The following SASH1 variants were observed in gnomAD, a reference collection of about 807,000 sequenced individuals.
The protein encoded by SASH1 is SAM and SH3 domain containing 1.
A neutral mutation model predicts 125.2 loss-of-function variants in SASH1; 44 were observed. The ratio of observed to expected loss-of-function variants is 0.35; its 90% CI spans 0.28 to 0.45. SASH1 has a LOEUF of 0.45. SASH1 is among the 20% of genes least tolerant of loss of function. The pLI is 1.00. For synonymous variants in SASH1, 639 were observed against 649.1 expected (o/e 0.98, Z 0.24); for missense variants, 1,426 against 1,614.5 (o/e 0.88, Z 2.00).
At chr6:148,363,761 T>G (rs1782342909) in intron 1 of SASH1, among the ~76,000 whole-genome samples, 1 of 151,978 alleles carries the variant, frequency 6.6e-6, no homozygotes, top group African/African-American at 2.4e-5. Flanking sequence ...CTCCCTGGTC[T>G]TTGAGGCTGT....
At chr6:148,356,494 C>CTTTTTGTTTTTTTTTTTT (rs1781942116) in intron 1 of SASH1, among the ~76,000 whole-genome samples, 1 of 116,284 alleles carries the variant, frequency 8.6e-6, no homozygotes, top group African/African-American at 3.3e-5. Flanking sequence ...ACTTTTAGTT[C>CTTTTTGTTTTTTTTTTTT]TTTTTTTTTT....
intron 1 of SASH1, among the ~76,000 whole-genome samples, chr6:148,294,261 A>G (rs1297270430): frequency 1.3e-5 from 2 of 152,252 alleles, no homozygotes; most frequent in Admixed American, 1.3e-4. Flanking sequence ...ATGAGGCTAC[A>G]CAGCCAAGAA....
chr6:148,508,190 A>C (rs753010200), intron 8 of SASH1, among the ~76,000 whole-genome samples: 38 of 152,176 alleles, frequency 2.5e-4, no homozygotes, highest in South Asian at 4.1e-4. Flanking sequence ...AAATTTTAAA[A>C]AGGAATGGGG....
In SASH1 at chr6:148,537,776, C is replaced by CTGTGTGTGTGTGTGTG. The variant is rs55644027; in HGVS notation, c.2096-2626_2096-2611dup. Reference sequence around the variant, plus strand: ...ATATTCATAGGTGTCTTAGCATATTCTGTGTGTGTGTGTGTGTGTGTGTGT... The same window carrying CTGTGTGTGTGTGTGTG: ...ATATTCATAGGTGTCTTAGCATATTCTGTGTGTGTGTGTGTGTGTGTGTGTGTGTGTGTGTGTGTGT... On this transcript the variant is annotated intron_variant, in intron 16 of 19. Coordinates refer to ENST00000367467, the MANE Select transcript of SASH1 (RefSeq NM_015278.5). Among the ~76,000 whole-genome samples, 154 of 125,680 alleles carry CTGTGTGTGTGTGTGTG rather than the reference C, an allele frequency of 1.2e-3. 3 individuals are homozygous for CTGTGTGTGTGTGTGTG. Among genetic ancestry groups the CTGTGTGTGTGTGTGTG allele is most frequent in the East Asian group, 2.6e-3 (10 of 3,868 alleles). The allele number at this position is 125,680 out of a possible 152,430, so 82.5% of individuals were successfully genotyped here. A position where few individuals can be genotyped will look rare whatever the true frequency, so the allele number is the denominator to read the frequency against.
At chr6:148,270,608 GAT>G (rs1779039738), upstream of SASH1, among the ~76,000 whole-genome samples, 1 of 151,934 alleles carries the variant, frequency 6.6e-6, no homozygotes, top group South Asian at 2.1e-4. Context: ...CAGAATTGTA[GAT>G]ATATACTCCA....
intron 2 of SASH1, among the ~76,000 whole-genome samples, chr6:148,393,229 T>A (rs2114840102): frequency 6.6e-6 from 1 of 150,752 alleles, no homozygotes; most frequent in East Asian, 1.9e-4. Context: ...TATTTTTTTT[T>A]TTTTTTTTTT....
intron 17 of SASH1, among the ~76,000 whole-genome samples, chr6:148,540,852 C>T (rs1782175047): frequency 6.6e-6 from 1 of 152,044 alleles, no homozygotes; most frequent in Non-Finnish European, 1.5e-5. Flanking sequence ...CTATTAGGTC[C>T]ATAAGGAAAA....
chr6:148,250,622 G>GA, the SASH1 span, among the ~76,000 whole-genome samples: 1 of 149,494 alleles, frequency 6.7e-6, no homozygotes, highest in South Asian at 2.1e-4. Context: ...AAACATTACT[G>GA]AAAAAATGAT....
At chr6:148,507,556 A>G (rs753881249) in intron 8 of SASH1, among the ~76,000 whole-genome samples, 3 of 152,114 alleles carry the variant, frequency 2.0e-5, no homozygotes, top group Non-Finnish European at 4.4e-5. Context: ...GTTTTAGTAG[A>G]GACGGGTTTT....
At chr6:148,276,965 C>A (rs1276346559) in intron 1 of SASH1, among the ~76,000 whole-genome samples, 1 of 152,136 alleles carries the variant, frequency 6.6e-6, no homozygotes, top group African/African-American at 2.4e-5. Flanking sequence ...CTAAAACTTA[C>A]ATACCATTTA....
chr6:148,477,150 C>T (rs2115153073), intron 7 of SASH1, among the ~76,000 whole-genome samples: 1 of 152,278 alleles, frequency 6.6e-6, no homozygotes, highest in African/African-American at 2.4e-5. Context: ...GGACACCGGA[C>T]TGGGCAAAAA....
At chr6:148,327,204 T>G (rs1043512265) in intron 1 of SASH1, among the ~76,000 whole-genome samples, 4 of 152,110 alleles carry the variant, frequency 2.6e-5, no homozygotes, top group African/African-American at 9.7e-5. Flanking sequence ...ACATAATTGG[T>G]CCTCAATCAG....
chr6:148,373,054 G>A (rs564291576), intron 1 of SASH1, among the ~76,000 whole-genome samples: 44 of 152,190 alleles, frequency 2.9e-4, no homozygotes, highest in African/African-American at 9.9e-4. Flanking sequence ...AACCAGGCAT[G>A]GTGGTGCATG....
intron 8 of SASH1, 177 bp from the exon 9 acceptor site, chr6:148,514,146 TA>T (rs1780302470): frequency 7.2e-7 from 1 of 1,386,174 alleles, no homozygotes; most frequent in Non-Finnish European, 9.3e-7. Context: ...TACGCCGATT[TA>T]GATCTTAAGA....
intron 10 of SASH1, among the ~76,000 whole-genome samples, chr6:148,522,365 A>G (rs1780871775): frequency 6.6e-6 from 1 of 152,242 alleles, no homozygotes; most frequent in Non-Finnish European, 1.5e-5. Flanking sequence ...AAAGGGATTA[A>G]TCTTATTTCT....
At chr6:148,402,137 A>T (rs1784193271) in intron 2 of SASH1, among the ~76,000 whole-genome samples, 1 of 152,206 alleles carries the variant, frequency 6.6e-6, no homozygotes, top group Non-Finnish European at 1.5e-5. Flanking sequence ...ATAATTATCA[A>T]TTAAGCTATT....
At chr6:148,389,306 C>T (rs908754562) in intron 1 of SASH1, among the ~76,000 whole-genome samples, 3 of 152,136 alleles carry the variant, frequency 2.0e-5, no homozygotes, top group Non-Finnish European at 4.4e-5. Flanking sequence ...GCCACTTAAC[C>T]AATACCAGGC....
chr6:148,431,172 A>C (rs1776043763), intron 2 of SASH1, among the ~76,000 whole-genome samples: 1 of 152,120 alleles, frequency 6.6e-6, no homozygotes, highest in Non-Finnish European at 1.5e-5. Flanking sequence ...CAGCTGATTT[A>C]GTGGGGAGTG....
intron 1 of SASH1, among the ~76,000 whole-genome samples, chr6:148,364,991 T>C (rs1174842017): frequency 6.6e-6 from 1 of 151,994 alleles, no homozygotes; most frequent in East Asian, 1.9e-4. Context: ...GGCATGGTGG[T>C]ATGTGCCTGT....
Sources: allele counts gnomAD v4.1 joint callset (sites outside exome capture counted in the v4.1 genomes callset), GRCh38; gene constraint gnomAD v4.1.1; transcripts MANE v1.5; gene names NCBI Gene and HGNC (gene_info 2026-07-23, HGNC 2026-07-21).